The following TM6SF2 variants were observed in gnomAD, a reference collection of about 807,000 sequenced individuals.
TM6SF2 encodes the protein transmembrane 6 superfamily member 2.
A neutral mutation model predicts 41.0 loss-of-function variants in TM6SF2; 29 were observed. The ratio of observed to expected loss-of-function variants is 0.71; its 90% CI spans 0.53 to 0.96. The LOEUF (loss-of-function observed/expected upper bound fraction) is 0.96. Among genes scored for constraint, TM6SF2 ranks in the 50% least tolerant of loss-of-function variants. TM6SF2 has a pLI of 0.00. For synonymous variants in TM6SF2, 200 were observed against 209.1 expected, an observed-to-expected ratio of 0.96 and a Z score of 0.37; for missense variants, 475 against 499.0, an observed-to-expected ratio of 0.95 and a Z score of 0.46.
intron 6 of TM6SF2, 95 bp downstream of exon 6, chr19:19,268,535 A>G: frequency 6.8e-7 from 1 of 1,465,610 alleles, no homozygotes; most frequent in Non-Finnish European, 9.0e-7. Flanking sequence ...ACAAAGGAGA[A>G]CCTTCCACAG....
chr19:19,266,118 T>C (rs1430542250), intron 9 of TM6SF2, among the ~76,000 whole-genome samples: 1 of 152,140 alleles, frequency 6.6e-6, no homozygotes, highest in Non-Finnish European at 1.5e-5. Context: ...TATCTGCCTT[T>C]ACCTGGGTTA....
rs758547141 is a variant in TM6SF2, at chr19:19,266,596, A to G, written c.818T>C (p.Met273Thr). The change falls in exon 9 of 10, where the codon ATG becomes ACG. Residue 273 changes from methionine (M) to threonine (T), a missense_variant. Met to Thr is a moderately conservative substitution (Grantham distance 81). Coordinates refer to ENST00000389363, the MANE Select transcript of TM6SF2 (RefSeq NM_001001524.3). ...AYPKVQMLMY[M>T]FYVLPFCGLA... ...GCCGCAGAAAGGCAGGACATAAAAC[A>G]TGTACATCAGCATCTGCAGGGGCGG... The G allele has an allele frequency of 1.9e-6, 3 of 1,613,334 alleles. No homozygotes were observed. The highest frequency in any genetic ancestry group is 2.5e-6 in the Non-Finnish European group (3 of 1,179,496).
Position 19,273,106 on chromosome 19 carries a change from C to T in TM6SF2, c.95+15G>A, listed in dbSNP as rs189891866. On this transcript the variant is annotated intron_variant, in intron 1 of 9. Coordinates refer to ENST00000389363, the MANE Select transcript of TM6SF2 (RefSeq NM_001001524.3). ...CACTGTCCCCAAGGCCGCCCTGGCC[C>T]CTCTCCGCACGCACTGCGAGAGCGC... 206 of 1,471,384 alleles carry T rather than the reference C, an allele frequency of 1.4e-4. No individual in the cohort carries two copies. The highest frequency in any genetic ancestry group is 1.7e-4 in the Non-Finnish European group (195 of 1,114,368). 91.1% of individuals were successfully genotyped at this position (1,471,384 alleles called of 1,614,324 possible).
At position 19,264,860 on chromosome 19, in the gene TM6SF2, T is replaced by C. The variant is rs2146574722; in HGVS notation, c.938A>G (p.His313Arg). 1 of 1,569,128 alleles carries C rather than the reference T, an allele frequency of 6.4e-7. No individual in the cohort carries two copies. Among genetic ancestry groups the C allele is most frequent in the East Asian group, 2.4e-5 (1 of 41,218 alleles). The part of the protein sequence containing the change: ...AGGIGQAQFS[H>R]MGASMHLRTP... ...GCGCAGGTGCATGGAAGCCCCCATG[T>C]GCGAGAACTGTGCCTGGTAGCCAGA... The change falls in exon 10 of 10, where the codon CAC becomes CGC. Residue 313 changes from histidine (H) to arginine (R), a missense_variant. His to Arg is a conservative substitution (Grantham distance 29, BLOSUM62 0). This residue lies in a region of TM6SF2 where 190 missense variants were observed against 190.2 expected (regional missense o/e 1.00). Coordinates refer to ENST00000389363, the MANE Select transcript of TM6SF2 (RefSeq NM_001001524.3).
Position 19,270,389 on chromosome 19 carries a change from C to G in TM6SF2, c.253G>C (p.Glu85Gln). 2 of 1,614,088 alleles carry G rather than the reference C, an allele frequency of 1.2e-6. No individual in the cohort carries two copies. Among genetic ancestry groups the G allele is most frequent in the Non-Finnish European group, 1.7e-6 (2 of 1,180,000 alleles). ...SVVDLIIALQ[E>Q]DSYVVGFMEF... Reference sequence around the variant, plus strand: ...ATGAAGCCCACCACATAGCTGTCTTCCTGAAGAGCGATGATGAGGTCCACA... The same window carrying G: ...ATGAAGCCCACCACATAGCTGTCTTGCTGAAGAGCGATGATGAGGTCCACA... The change falls in exon 3 of 10, where the codon GAA becomes CAA. Residue 85 changes from glutamate to glutamine, a missense_variant. This residue lies in a region of TM6SF2 where 238 missense variants were observed against 228.6 expected (regional missense o/e 1.04). Transcript: ENST00000389363.
intron 9 of TM6SF2, 62 bp downstream of exon 9, chr19:19,266,428 A>AT (rs761313502): frequency 2.5e-5 from 40 of 1,600,730 alleles, no homozygotes; most frequent in Non-Finnish European, 3.2e-5. Flanking sequence ...CACCAAAGGC[A>AT]TTGATGAGTA....
intron 1 of TM6SF2, among the ~76,000 whole-genome samples, chr19:19,272,846 T>A (rs2061029266): frequency 6.6e-6 from 1 of 152,142 alleles, no homozygotes; most frequent in Non-Finnish European, 1.5e-5. Flanking sequence ...AAGCTCTGGC[T>A]TGTGGGGACT....
At chr19:19,266,990 G>A (rs1409526716) in intron 8 of TM6SF2, among the ~76,000 whole-genome samples, 1 of 152,138 alleles carries the variant, frequency 6.6e-6, no homozygotes, top group African/African-American at 2.4e-5. Context: ...GTGGCTGAGT[G>A]GGGTGCATGG....
intron 1 of TM6SF2, 38 bp downstream of exon 1, chr19:19,273,083 C>CA: frequency 1.8e-6 from 2 of 1,090,268 alleles, no homozygotes; most frequent in Non-Finnish European, 2.4e-6. Flanking sequence ...CCCGCCCCCA[C>CA]TGTCCCCAAG....
intron 8 of TM6SF2, among the ~76,000 whole-genome samples, chr19:19,267,409 GGAAAA>G (rs1220771333): frequency 6.6e-5 from 10 of 150,900 alleles, no homozygotes; most frequent in Admixed American, 2.6e-4. Context: ...AGAAAAGAAA[GGAAAA>G]GAAAAGAAAA....
intron 9 of TM6SF2, 86 bp downstream of exon 9, chr19:19,266,404 G>T (rs2061003047): frequency 3.2e-6 from 5 of 1,558,142 alleles, no homozygotes; most frequent in Non-Finnish European, 2.6e-6. Context: ...CATCATTACA[G>T]TGCCCAGGGA....
intron 1 of TM6SF2, among the ~76,000 whole-genome samples, chr19:19,271,731 A>G (rs1484222730): frequency 1.3e-5 from 2 of 152,092 alleles, no homozygotes; most frequent in East Asian, 3.9e-4. Flanking sequence ...GGGTTTCACC[A>G]TGTTGGCCAG....
chr19:19,271,189 C>T, intron 1 of TM6SF2, 64 bp from the exon 2 acceptor site: 1 of 1,328,544 alleles, frequency 7.5e-7, no homozygotes, highest in Non-Finnish European at 1.1e-6. Flanking sequence ...CCCACTCTCC[C>T]TGGTGGGGGA....
intron 1 of TM6SF2, among the ~76,000 whole-genome samples, chr19:19,271,470 C>T (rs2061023696): frequency 6.6e-6 from 1 of 152,106 alleles, no homozygotes; most frequent in South Asian, 2.1e-4. Context: ...GGATATTCAT[C>T]AGCCTGTTTC....
In TM6SF2 at chr19:19,271,222, C is replaced by G. The variant is rs2061023098; in HGVS notation, c.96-97G>C. On this transcript the variant is annotated intron_variant, in intron 1 of 9. Coordinates refer to ENST00000389363, the MANE Select transcript of TM6SF2 (RefSeq NM_001001524.3). ...GGAAGGGGCAGACTCCTGGAAGCCC[C>G]AGGGGAAGAGACTAAAGTGTCTGTT... 4 of 960,234 alleles carry G rather than the reference C, an allele frequency of 4.2e-6. No homozygotes were observed. The Admixed American group carries it at 7.1e-5, about 17-fold the overall frequency. 59.5% of individuals were successfully genotyped at this position (960,234 alleles called of 1,614,324 possible).
chr19:19,266,661 C>T, intron 8 of TM6SF2, 52 bp from the exon 9 acceptor site: 1 of 1,565,310 alleles, frequency 6.4e-7, no homozygotes, highest in African/African-American at 1.4e-5. Context: ...GCAGCTACCC[C>T]AGGTGGGTCT....
rs55690765 is a variant in TM6SF2 at position 19,272,692 on chromosome 19, G to GGTGTGTGTGT, written c.95+419_95+428dup. Among the ~76,000 whole-genome samples the GGTGTGTGTGT allele has an allele frequency of 7.1e-3, 975 of 136,758 alleles. 3 individuals are homozygous for GGTGTGTGTGT. The highest frequency in any genetic ancestry group is 0.017 in the African/African-American group (610 of 36,096). The allele number at this position is 136,758 out of a possible 152,430, so 89.7% of individuals were successfully genotyped here. A position where few individuals can be genotyped will look rare whatever the true frequency, so the allele number is the denominator to read the frequency against. ...AGGCCTGAGACAGGCAATGGAGTAG[G>GGTGTGTGTGT]GTGTGTGTGTGTGTGTGTGTGTGTG... is the stretch of plus-strand genomic sequence containing the variant. On this transcript the variant is annotated intron_variant, in intron 1 of 9. Transcript: ENST00000389363.
chr19:19,270,091 G>T (rs1397154270), intron 4 of TM6SF2, 82 bp downstream of exon 4: 1 of 1,581,540 alleles, frequency 6.3e-7, no homozygotes, highest in South Asian at 1.2e-5. Flanking sequence ...GACACTTCTG[G>T]CTCCACCCTG....
At chr19:19,271,331 T>A (rs2061023412) in intron 1 of TM6SF2, among the ~76,000 whole-genome samples, 1 of 152,176 alleles carries the variant, frequency 6.6e-6, no homozygotes, top group Non-Finnish European at 1.5e-5. Context: ...GGAAACCGCT[T>A]CCAGAAGTCT....
Sources: allele counts gnomAD v4.1 joint callset (sites outside exome capture counted in the v4.1 genomes callset), GRCh38; gene constraint gnomAD v4.1.1; regional missense constraint gnomAD v4.1.1; transcripts MANE v1.5; gene names NCBI Gene and HGNC (gene_info 2026-07-23, HGNC 2026-07-21).